Variants in PPP6R3 observed in about 807,000 individuals in gnomAD.
PPP6R3 encodes the protein serine/threonine-protein phosphatase 6 regulatory subunit 3.
PPP6R3 carries 38 observed loss-of-function variants against 110.7 expected under a neutral mutation model. The ratio of observed to expected loss-of-function variants is 0.34; its 90% CI spans 0.26 to 0.45. The LOEUF (loss-of-function observed/expected upper bound fraction) is 0.45, where lower values mean the gene tolerates loss of function less well. PPP6R3 is among the 20% of genes least tolerant of loss of function. PPP6R3 has a pLI of 1.00. For synonymous variants in PPP6R3, 369 were observed against 373.5 expected (o/e 0.99, Z 0.14); for missense variants, 870 against 1,062.4 (o/e 0.82, Z 2.52).
intron 1 of PPP6R3, among the ~76,000 whole-genome samples, chr11:68,496,268 C>G (rs2099015255): frequency 6.6e-6 from 1 of 151,802 alleles, no homozygotes; most frequent in South Asian, 2.1e-4. Flanking sequence ...TGATTCTCTC[C>G]TCTCGCCTTG....
intron 1 of PPP6R3, among the ~76,000 whole-genome samples, chr11:68,477,745 T>TATATATATATATATATAG (rs1565285581): frequency 2.1e-4 from 21 of 101,132 alleles, no homozygotes; most frequent in South Asian, 6.6e-4. Context: ...AAAAAAAATA[T>TATATATATATATATATAG]ATATATATAT....
intron 1 of PPP6R3, among the ~76,000 whole-genome samples, chr11:68,512,005 T>C (rs1272198647): frequency 6.6e-6 from 1 of 152,200 alleles, no homozygotes. Context: ...ACCTTGTTGC[T>C]CTCCTTAGTT....
intron 1 of PPP6R3, among the ~76,000 whole-genome samples, chr11:68,477,727 T>A: frequency 3.1e-5 from 1 of 32,540 alleles, no homozygotes; most frequent in Non-Finnish European, 6.0e-5. Context: ...ACATTGTCTC[T>A]TAAAAAAAAA....
chr11:68,579,877 T>A (rs1436634914), intron 14 of PPP6R3, among the ~76,000 whole-genome samples: 1 of 152,234 alleles, frequency 6.6e-6, no homozygotes, highest in Non-Finnish European at 1.5e-5. Context: ...TTGTAGCAGA[T>A]AGCCCAGGTC....
intron 2 of PPP6R3, among the ~76,000 whole-genome samples, chr11:68,534,969 C>A (rs1340970142): frequency 2.0e-5 from 3 of 152,084 alleles, no homozygotes; most frequent in Non-Finnish European, 4.4e-5. Flanking sequence ...TTTTTTTCTA[C>A]TTGTTAGTTG....
chr11:68,603,330 T>G lies in PPP6R3; in HGVS notation c.2300-12T>G. 1 of 1,613,424 alleles carries G rather than the reference T, an allele frequency of 6.2e-7. No homozygotes were observed. Among genetic ancestry groups the G allele is most frequent in the Non-Finnish European group, 8.5e-7 (1 of 1,179,850 alleles). ...GCTTGCTGTGTGTGACCATCAGCTG[T>G]GTTCTTTTCAGCGGCAGGCAGTGTG... On this transcript the variant is annotated splice_polypyrimidine_tract_variant and intron_variant, in intron 21 of 23. Transcript: ENST00000393800.
chr11:68,525,664 A>G, intron 2 of PPP6R3, among the ~76,000 whole-genome samples: 1 of 152,108 alleles, frequency 6.6e-6, no homozygotes, highest in East Asian at 1.9e-4. Context: ...CTTTTGAAAG[A>G]TTTTTTTGTG....
intron 1 of PPP6R3, among the ~76,000 whole-genome samples, chr11:68,479,737 TG>T (rs1409398759): frequency 6.6e-6 from 1 of 152,046 alleles, no homozygotes; most frequent in Non-Finnish European, 1.5e-5. Flanking sequence ...GCCTGAGGGT[TG>T]GTTTCTTTCT....
At chr11:68,493,736 C>T (rs1164074437) in intron 1 of PPP6R3, among the ~76,000 whole-genome samples, 3 of 151,078 alleles carry the variant, frequency 2.0e-5, no homozygotes, top group Non-Finnish European at 4.4e-5. Context: ...GGATTACAGG[C>T]GTGAGCCACT....
chr11:68,581,543 C>G (rs1048099260), intron 14 of PPP6R3, among the ~76,000 whole-genome samples: 5 of 152,238 alleles, frequency 3.3e-5, no homozygotes, highest in African/African-American at 1.2e-4. Flanking sequence ...CACACTGGCC[C>G]AGCATGATAT....
At chr11:68,572,147 A>G (rs1056969027) in intron 12 of PPP6R3, among the ~76,000 whole-genome samples, 2 of 152,056 alleles carry the variant, frequency 1.3e-5, no homozygotes, top group African/African-American at 2.4e-5. Context: ...ATTCTTCCAA[A>G]TGGAGCTCTT....
intron 7 of PPP6R3, 85 bp from the exon 8 acceptor site, chr11:68,558,481 G>A (rs1447773472): frequency 1.2e-5 from 10 of 811,490 alleles, no homozygotes; most frequent in East Asian, 2.5e-5. Context: ...CTTCAGTGAT[G>A]CTTGTCTTGT....
At chr11:68,476,201 C>T (rs1267749049) in intron 1 of PPP6R3, among the ~76,000 whole-genome samples, 2 of 152,262 alleles carry the variant, frequency 1.3e-5, no homozygotes, top group Non-Finnish European at 1.5e-5. Flanking sequence ...GAGATTCCGT[C>T]TGCAATTCCG....
At chr11:68,527,855 C>A (rs1194449719) in intron 2 of PPP6R3, among the ~76,000 whole-genome samples, 1 of 152,200 alleles carries the variant, frequency 6.6e-6, no homozygotes, top group East Asian at 1.9e-4. Flanking sequence ...GCTGTGACTC[C>A]TGAAGCTACT....
intron 18 of PPP6R3, among the ~76,000 whole-genome samples, chr11:68,594,327 AGAGAGAGT>A (rs1227481600): frequency 2.0e-4 from 26 of 130,366 alleles, no homozygotes; most frequent in Non-Finnish European, 3.9e-4. Context: ...AGAAAAAGAG[AGAGAGAGT>A]GAGAGAGAGA....
At chr11:68,481,311 T>G (rs2098909704) in intron 1 of PPP6R3, among the ~76,000 whole-genome samples, 1 of 152,220 alleles carries the variant, frequency 6.6e-6, no homozygotes, top group South Asian at 2.1e-4. Context: ...GTCCTGTCTC[T>G]GCCTCTGCCA....
chr11:68,543,765 T>C (rs2099331158), intron 3 of PPP6R3, among the ~76,000 whole-genome samples: 1 of 152,036 alleles, frequency 6.6e-6, no homozygotes, highest in South Asian at 2.1e-4. Flanking sequence ...AAGAGCAGAG[T>C]AATTCTGGGT....
chr11:68,614,813 C>A lies in PPP6R3; in HGVS notation c.*1696C>A, dbSNP rs1381781635. ...GAAGCAGCACCCCCAGAGGACAGGGCTCCTCCTGCTTGCCTCAGGGCTGCC... is the reference window on the plus strand; with the variant it reads ...GAAGCAGCACCCCCAGAGGACAGGGATCCTCCTGCTTGCCTCAGGGCTGCC... On this transcript the variant is annotated 3_prime_UTR_variant, in exon 24 of 24. Coordinates refer to ENST00000393800, the MANE Select transcript of PPP6R3 (RefSeq NM_001164161.2). The A allele has an allele frequency of 6.9e-7, 1 of 1,447,828 alleles. No homozygotes were observed. The highest frequency in any genetic ancestry group is 1.4e-5 in the African/African-American group (1 of 70,906). The allele number at this position is 1,447,828 out of a possible 1,614,324, so 89.7% of individuals were successfully genotyped here.
intron 3 of PPP6R3, among the ~76,000 whole-genome samples, chr11:68,544,094 A>G (rs2099334543): frequency 6.6e-6 from 1 of 152,114 alleles, no homozygotes; most frequent in Non-Finnish European, 1.5e-5. Context: ...GGAGAGCACT[A>G]GTTTTGTTTT....
Sources: gnomAD v4.1 joint callset for allele counts (sites outside exome capture counted in the v4.1 genomes callset) on GRCh38, gnomAD v4.1.1 for gene constraint, MANE v1.5 for transcripts, NCBI Gene and HGNC (gene_info 2026-07-23, HGNC 2026-07-21) for gene names.